NALCN: variants seen among roughly 807,000 people sequenced by gnomAD.
The protein encoded by NALCN is sodium leak channel NALCN.
In NALCN, 111 loss-of-function variants were observed where a neutral mutation model predicts 225.3. The ratio of observed to expected loss-of-function variants is 0.49; its 90% confidence interval spans 0.42 to 0.58. The LOEUF is 0.58. Among genes scored for constraint, NALCN ranks in the 20% least tolerant of loss-of-function variants. The pLI is 0.00. For synonymous variants in NALCN, 764 were observed against 769.0 expected (o/e 0.99, Z 0.11); for missense variants, 1,378 against 2,202.4 (o/e 0.63, Z 7.49).
At chr13:101,358,316 C>G (rs1480807591) in intron 6 of NALCN, among the ~76,000 whole-genome samples, 1 of 152,062 alleles carries the variant, frequency 6.6e-6, no homozygotes, top group Non-Finnish European at 1.5e-5. Context: ...GGTCTAATAT[C>G]CACAACCTAT....
chr13:101,196,011 G>A (rs1276838251), intron 13 of NALCN, among the ~76,000 whole-genome samples: 1 of 152,014 alleles, frequency 6.6e-6, no homozygotes, highest in Non-Finnish European at 1.5e-5. Flanking sequence ...TGAAAACATT[G>A]CTCACTCTTG....
intron 11 of NALCN, 39 bp downstream of exon 11, chr13:101,258,404 C>T: frequency 1.2e-6 from 2 of 1,612,786 alleles, no homozygotes; most frequent in Non-Finnish European, 8.5e-7. Context: ...GGTTCACCTG[C>T]TCCTTGCCCA....
chr13:101,382,202 C>T (rs573296253), intron 3 of NALCN, among the ~76,000 whole-genome samples: 34 of 150,328 alleles, frequency 2.3e-4, no homozygotes, highest in African/African-American at 7.8e-4. Context: ...GAATTAAACT[C>T]GGTGGAACAT....
At chr13:101,380,535 A>G (rs192160672) in intron 3 of NALCN, among the ~76,000 whole-genome samples, 50 of 152,302 alleles carry the variant, frequency 3.3e-4, no homozygotes, top group African/African-American at 1.1e-3. Flanking sequence ...ATGTAAGTCA[A>G]TTCTGAATTC....
chr13:101,106,745 G>A (rs1232634164), intron 22 of NALCN, among the ~76,000 whole-genome samples: 15 of 152,136 alleles, frequency 9.9e-5, no homozygotes, highest in Admixed American at 9.2e-4. Flanking sequence ...TGTGCCTTTT[G>A]CCTTCCACCA....
chr13:101,385,148 C>T (rs114581493), intron 3 of NALCN, among the ~76,000 whole-genome samples: 12,559 of 152,190 alleles, frequency 0.083, 1,706 homozygotes, highest in African/African-American at 0.28. Context: ...CTCCAGCTGC[C>T]TCCTGTGCAC....
chr13:101,391,061 A>C (rs1360359201), intron 3 of NALCN, among the ~76,000 whole-genome samples: 1 of 152,120 alleles, frequency 6.6e-6, no homozygotes, highest in African/African-American at 2.4e-5. Context: ...AAGTATAATA[A>C]AAATATTTTT....
chr13:101,302,167 T>C (rs1026967555), intron 7 of NALCN, among the ~76,000 whole-genome samples: 1 of 152,182 alleles, frequency 6.6e-6, no homozygotes, highest in Non-Finnish European at 1.5e-5. Context: ...GCAAAAGTAC[T>C]AAGATATTTT....
chr13:101,362,964 A>C (rs1287978493), intron 6 of NALCN, among the ~76,000 whole-genome samples: 2 of 152,120 alleles, frequency 1.3e-5, no homozygotes, highest in African/African-American at 4.8e-5. Flanking sequence ...TGAAAAATAA[A>C]TCAAGAAAGC....
intron 10 of NALCN, among the ~76,000 whole-genome samples, chr13:101,279,942 G>C (rs2043112431): frequency 6.6e-6 from 1 of 151,994 alleles, no homozygotes; most frequent in African/African-American, 2.4e-5. Flanking sequence ...CCAAGCCAGG[G>C]AGTGGAAGAC....
At chr13:101,257,896 A>G (rs2042292144) in intron 11 of NALCN, among the ~76,000 whole-genome samples, 1 of 152,220 alleles carries the variant, frequency 6.6e-6, no homozygotes, top group Non-Finnish European at 1.5e-5. Flanking sequence ...AGGAAGTACT[A>G]TTCCAAAACT....
Position 101,062,028 on chromosome 13 carries a change from C to T in NALCN, c.4695G>A (p.Glu1565=), listed in dbSNP as rs2031990437. ...AREQLEYTIE[E]EVAKQTIRMW... ...TGCGGATGGTCTGCTTGGCCACCTC[C>T]TCCTCTATGGTGTACTCCAGCTGCT... Residue 1565 remains glutamate, a synonymous_variant, in exon 41 of 44, where the codon GAG becomes GAA. Transcript: ENST00000251127. 2 of 1,614,158 alleles carry T rather than the reference C, an allele frequency of 1.2e-6. No homozygotes were observed. The highest frequency in any genetic ancestry group is 1.7e-6 in the Non-Finnish European group (2 of 1,180,002).
rs1053019856 is a variant in NALCN at position 101,271,601 on chromosome 13, G to A, written c.1134+12332C>T. On this transcript the variant is annotated intron_variant, in intron 10 of 43. Coordinates refer to ENST00000251127, the MANE Select transcript of NALCN (RefSeq NM_052867.4). ...AGAAATTGAAAATGAATGTGTGTGC[G>A]CCTGTGTGTGAGTGTATGTGTGTGT... is the stretch of plus-strand genomic sequence containing the variant. Among the ~76,000 whole-genome samples the A allele has an allele frequency of 1.1e-4, 16 of 145,758 alleles. No individual in the cohort carries two copies. The South Asian group carries it at 2.4e-3, about 22-fold the overall frequency.
intron 43 of NALCN, 137 bp downstream of exon 43, chr13:101,057,802 C>T: frequency 1.3e-6 from 1 of 756,276 alleles, no homozygotes; most frequent in Non-Finnish European, 2.4e-6. Context: ...GACAAGACTA[C>T]ATTTTTCATT....
At chr13:101,213,823 G>A (rs954793992) in intron 13 of NALCN, among the ~76,000 whole-genome samples, 12 of 152,172 alleles carry the variant, frequency 7.9e-5, no homozygotes, top group Non-Finnish European at 1.5e-4. Context: ...AGAGAAATAG[G>A]AACACTTTTA....
chr13:101,233,592 G>A (rs930620822), intron 12 of NALCN, among the ~76,000 whole-genome samples: 3 of 152,036 alleles, frequency 2.0e-5, no homozygotes, highest in Admixed American at 6.5e-5. Flanking sequence ...CACCCGCCTC[G>A]GCCTCCCAAA....
At chr13:101,415,248 G>A (rs145794584) in intron 1 of NALCN, among the ~76,000 whole-genome samples, 6 of 68,388 alleles carry the variant, frequency 8.8e-5, no homozygotes, top group Non-Finnish European at 2.2e-4. Flanking sequence ...TTTCAAAATC[G>A]CCACCTGTTA....
At chr13:101,149,889 C>T (rs943688822) in intron 15 of NALCN, among the ~76,000 whole-genome samples, 5 of 152,328 alleles carry the variant, frequency 3.3e-5, no homozygotes, top group African/African-American at 1.2e-4. Context: ...AATCCAGCAG[C>T]CCTGTGGATC....
chr13:101,378,897 T>A (rs1466500869), intron 3 of NALCN, among the ~76,000 whole-genome samples: 1 of 144,662 alleles, frequency 6.9e-6, no homozygotes, highest in African/African-American at 2.5e-5. Context: ...AAAATATCAC[T>A]ATTTTTTTTT....
Sources: allele counts gnomAD v4.1 joint callset (sites outside exome capture counted in the v4.1 genomes callset), GRCh38; gene constraint gnomAD v4.1.1; transcripts MANE v1.5; gene names NCBI Gene and HGNC (gene_info 2026-07-23, HGNC 2026-07-21).